The following CAMKMT variants were observed in gnomAD, a reference collection of about 807,000 sequenced individuals.
CAMKMT encodes the protein calmodulin-lysine N-methyltransferase.
Under a neutral mutation model 48.0 loss-of-function variants are expected in CAMKMT, and 53 were observed. The observed-to-expected ratio is 1.10, with a 90% CI of 0.89 to 1.39. CAMKMT has a LOEUF of 1.39. Ranked by LOEUF, CAMKMT falls within the 40% of genes most tolerant of loss-of-function variation. CAMKMT has a pLI of 0.00. For synonymous variants in CAMKMT, 165 were observed against 152.3 expected (o/e 1.08, Z -0.61); for missense variants, 428 against 402.7 (o/e 1.06, Z -0.54).
At chr2:44,676,353 A>G (rs1321588090) in intron 3 of CAMKMT, among the ~76,000 whole-genome samples, 1 of 152,226 alleles carries the variant, frequency 6.6e-6, no homozygotes, top group Non-Finnish European at 1.5e-5. Context: ...AGATCCAACC[A>G]GAATATTCCC....
At chr2:44,719,684 A>C (rs1305664032) in intron 7 of CAMKMT, among the ~76,000 whole-genome samples, 2 of 152,210 alleles carry the variant, frequency 1.3e-5, no homozygotes, top group Non-Finnish European at 1.5e-5. Context: ...AGGAAAGTCA[A>C]GCTCTAGAGA....
At chr2:44,705,685 T>C (rs903152950) in intron 4 of CAMKMT, 4 of 237,836 alleles carry the variant, frequency 1.7e-5, no homozygotes, top group Non-Finnish European at 2.7e-5. Context: ...CACTGTGTTG[T>C]GTTGGGGTCA....
chr2:44,720,070 GT>G (rs1363046878), intron 7 of CAMKMT, among the ~76,000 whole-genome samples: 1 of 152,120 alleles, frequency 6.6e-6, no homozygotes, highest in Non-Finnish European at 1.5e-5. Context: ...TGCTTAACAG[GT>G]TTATAGATGG....
chr2:44,405,251 A>G (rs1013258275), intron 3 of CAMKMT, among the ~76,000 whole-genome samples: 2 of 152,072 alleles, frequency 1.3e-5, no homozygotes, highest in Admixed American at 6.6e-5. Context: ...TAAATATAGC[A>G]CTATTTGGAC....
intron 1 of CAMKMT, among the ~76,000 whole-genome samples, chr2:44,365,621 G>C (rs948189253): frequency 1.3e-5 from 2 of 152,186 alleles, no homozygotes; most frequent in Non-Finnish European, 2.9e-5. Flanking sequence ...AAAGGACTCT[G>C]ATAGGCCAAG....
At position 44,707,445 on chromosome 2, in the gene CAMKMT, A is replaced by G. The variant is rs1677623777; in HGVS notation, c.539A>G (p.Asn180Ser). Residue 180 changes from asparagine (N) to serine (S), a missense_variant, in exon 6 of 11, where the codon AAT becomes AGT. Physicochemically the swap from Asn to Ser is conservative, Grantham distance 46. Coordinates refer to ENST00000378494, the MANE Select transcript of CAMKMT (RefSeq NM_024766.5). ...AAAGAAGTTCTGTTAACTGATGGGA[A>G]TGAAAAGGCCATCAGAAGTATCCTT... ...DVKEVLLTDG[N>S]EKAIRNVQDI... 1.2e-6 allele frequency: 2 copies of G among 1,612,674 alleles called. No individual in the cohort carries two copies. The highest frequency in any genetic ancestry group is 2.2e-5 in the East Asian group (1 of 44,818).
chr2:44,543,596 G>C (rs1667245681), intron 3 of CAMKMT, among the ~76,000 whole-genome samples: 1 of 151,984 alleles, frequency 6.6e-6, no homozygotes, highest in Admixed American at 6.6e-5. Context: ...TTATGTGCCG[G>C]GTAGAGTTTT....
chr2:44,384,467 G>C lies in CAMKMT; in HGVS notation c.312-5774G>C, dbSNP rs900479836. Among the ~76,000 whole-genome samples the C allele has an allele frequency of 2.7e-5, 4 of 146,060 alleles. No homozygotes were observed. In the East Asian group the frequency reaches 5.9e-4, roughly 22 times the overall value. On this transcript the variant is annotated intron_variant, in intron 2 of 10. Coordinates refer to ENST00000378494, the MANE Select transcript of CAMKMT (RefSeq NM_024766.5). ...TGACTGTTCCTTTTGCTGTACAAAA[G>C]CTCCTTAGTTTAATTAGATCTCAGC... is the stretch of plus-strand genomic sequence containing the variant.
chr2:44,593,326 A>G (rs1344925235), intron 3 of CAMKMT, among the ~76,000 whole-genome samples: 2 of 152,190 alleles, frequency 1.3e-5, no homozygotes, highest in Non-Finnish European at 2.9e-5. Flanking sequence ...GGCCTCCTGT[A>G]GTTTTCTCAG....
chr2:44,452,931 T>C (rs1161154311), intron 3 of CAMKMT, among the ~76,000 whole-genome samples: 5 of 152,036 alleles, frequency 3.3e-5, no homozygotes, highest in Non-Finnish European at 5.9e-5. Context: ...GTTTTATGTG[T>C]CTTTTTATAG....
chr2:44,737,800 G>T (rs779961939), intron 7 of CAMKMT, among the ~76,000 whole-genome samples: 4 of 150,664 alleles, frequency 2.7e-5, no homozygotes, highest in Admixed American at 6.6e-5. Context: ...CTCCTATTCA[G>T]TATTTTATCC....
At chr2:44,697,679 A>G (rs1054922959) in intron 3 of CAMKMT, among the ~76,000 whole-genome samples, 3 of 152,184 alleles carry the variant, frequency 2.0e-5, no homozygotes, top group Non-Finnish European at 4.4e-5. Flanking sequence ...CAAAATTTTA[A>G]CATTATAACT....
chr2:44,686,374 C>A, intron 3 of CAMKMT, among the ~76,000 whole-genome samples: 1 of 140,702 alleles, frequency 7.1e-6, no homozygotes, highest in South Asian at 2.2e-4. Flanking sequence ...GCCTGGGCAA[C>A]AGAGCGAGAC....
Position 44,671,319 on chromosome 2 carries a change from T to C in CAMKMT, c.377-32964T>C, listed in dbSNP as rs369366221. Among the ~76,000 whole-genome samples, 62 of 152,284 alleles carry C rather than the reference T, an allele frequency of 4.1e-4. 2 individuals are homozygous for C. In the South Asian group the frequency reaches 9.6e-3, roughly 23 times the overall value. ...TCCCCAGTCCTATTTGTGATACCCA[T>C]GTATTTTTCTGGGACATGAATAACA... On this transcript the variant is annotated intron_variant, in intron 3 of 10. Coordinates refer to ENST00000378494, the MANE Select transcript of CAMKMT (RefSeq NM_024766.5).
chr2:44,425,800 G>C (rs1009909531), intron 3 of CAMKMT, among the ~76,000 whole-genome samples: 5 of 150,546 alleles, frequency 3.3e-5, no homozygotes, highest in African/African-American at 1.2e-4. Context: ...GCATGATCTT[G>C]GCTCACTGCA....
intron 3 of CAMKMT, among the ~76,000 whole-genome samples, chr2:44,687,478 G>C (rs1326460657): frequency 2.0e-5 from 3 of 152,126 alleles, no homozygotes; most frequent in African/African-American, 7.2e-5. Flanking sequence ...TTTCTCCTTT[G>C]AAGGGAACCA....
intron 7 of CAMKMT, among the ~76,000 whole-genome samples, chr2:44,716,351 G>C (rs1013071828): frequency 1.3e-5 from 2 of 152,130 alleles, no homozygotes; most frequent in Non-Finnish European, 2.9e-5. Flanking sequence ...CCGGCAGCCA[G>C]TGATCTTGGT....
chr2:44,490,692 A>G (rs1669455029), intron 3 of CAMKMT, among the ~76,000 whole-genome samples: 1 of 152,212 alleles, frequency 6.6e-6, no homozygotes, highest in Admixed American at 6.5e-5. Context: ...TTGTGAGAGC[A>G]GTATTTTACT....
At chr2:44,535,834 A>G (rs1378714121) in intron 3 of CAMKMT, among the ~76,000 whole-genome samples, 1 of 152,216 alleles carries the variant, frequency 6.6e-6, no homozygotes, top group Non-Finnish European at 1.5e-5. Flanking sequence ...GAATAAGACA[A>G]GGTTGCCTAC....
Sources: allele counts gnomAD v4.1 joint callset (sites outside exome capture counted in the v4.1 genomes callset), GRCh38; gene constraint gnomAD v4.1.1; transcripts MANE v1.5; gene names NCBI Gene and HGNC (gene_info 2026-07-23, HGNC 2026-07-21).